The following KLF13 variants were observed in gnomAD, a reference collection of about 807,000 sequenced individuals.
KLF13 encodes the protein KLF transcription factor 13, also known as Krueppel-like factor 13.
In KLF13, 8 loss-of-function variants were observed where a neutral mutation model predicts 16.7. That is an observed-to-expected ratio of 0.48 (90% CI 0.28 to 0.87). The LOEUF (loss-of-function observed/expected upper bound fraction) is 0.87, where lower values mean the gene tolerates loss of function less well. Ranked by LOEUF, KLF13 falls within the 40% of genes least tolerant of loss-of-function variation. The probability of loss-of-function intolerance (pLI) is 0.10; values close to 1 mark genes in which losing one functional copy is unlikely to be tolerated. For synonymous variants in KLF13, 245 were observed against 208.4 expected (o/e 1.18, Z -1.51); for missense variants, 447 against 452.2 (o/e 0.99, Z 0.10).
chr15:31,327,247 C>T lies in KLF13; in HGVS notation c.35C>T (p.Ala12Val). 7.2e-7 allele frequency: 1 copy of T among 1,380,524 alleles called. No individual in the cohort carries two copies. Among genetic ancestry groups the T allele is most frequent in the Non-Finnish European group, 9.4e-7 (1 of 1,065,150 alleles). 85.5% of individuals were successfully genotyped at this position (1,380,524 alleles called of 1,614,324 possible). A position where few individuals can be genotyped will look rare whatever the true frequency, so the allele number is the denominator to read the frequency against. ...AAAAYVDHFAAECLVSMSSRA... is the reference protein window; with the variant it reads ...AAAAYVDHFAVECLVSMSSRA... ...GCCGCCTATGTGGACCACTTCGCCG[C>T]CGAGTGCCTCGTGTCCATGTCGAGC... The change falls in exon 1 of 2, where the codon GCC becomes GTC. Residue 12 changes from alanine (A) to valine (V), a missense_variant. Physicochemically the swap from Ala to Val is moderately conservative, Grantham distance 64. Around this residue, in one of 2 missense-constraint regions of KLF13, gnomAD observed 359 missense variants for 282.8 expected, o/e 1.27. Transcript: ENST00000307145.
chr15:31,336,959 A>T (rs1488156293), intron 1 of KLF13, among the ~76,000 whole-genome samples: 2 of 152,212 alleles, frequency 1.3e-5, no homozygotes, highest in Admixed American at 6.5e-5. Flanking sequence ...TGGTTCCCAC[A>T]CATCCGAATC....
At chr15:31,351,882 G>A (rs558488611) in intron 1 of KLF13, among the ~76,000 whole-genome samples, 16 of 152,172 alleles carry the variant, frequency 1.1e-4, no homozygotes, top group African/African-American at 3.6e-4. Context: ...GTGTGGTGGC[G>A]GACGCCTGTA....
intron 1 of KLF13, among the ~76,000 whole-genome samples, chr15:31,429,857 C>T (rs1370275727): frequency 3.3e-5 from 5 of 151,834 alleles, no homozygotes; most frequent in African/African-American, 4.8e-5. Context: ...CCTCAGCCTC[C>T]CGAGTAGCTG....
intron 1 of KLF13, among the ~76,000 whole-genome samples, chr15:31,429,221 A>G (rs887487424): frequency 2.3e-5 from 3 of 129,826 alleles, no homozygotes; most frequent in Non-Finnish European, 4.5e-5. Context: ...TCAGGTGGAA[A>G]AAAATGATAG....
chr15:31,383,781 A>G (rs996208069), intron 1 of KLF13, among the ~76,000 whole-genome samples: 2 of 152,192 alleles, frequency 1.3e-5, no homozygotes, highest in Non-Finnish European at 2.9e-5. Context: ...GGGCGCCTGT[A>G]GTCCCAGCTA....
upstream of KLF13, among the ~76,000 whole-genome samples, chr15:31,388,625 AAAAG>A (rs1024471479): frequency 1.3e-5 from 2 of 151,576 alleles, no homozygotes; most frequent in African/African-American, 4.8e-5. Flanking sequence ...AAAAAAAAGA[AAAAG>A]AAAACCAGTA....
At chr15:31,365,234 C>G (rs867272835) in intron 1 of KLF13, among the ~76,000 whole-genome samples, 1 of 152,152 alleles carries the variant, frequency 6.6e-6, no homozygotes, top group Non-Finnish European at 1.5e-5. Flanking sequence ...CCCTGTGCCT[C>G]CCTTTGAGTC....
At chr15:31,384,093 A>T (rs879493672) in intron 1 of KLF13, among the ~76,000 whole-genome samples, 1 of 152,206 alleles carries the variant, frequency 6.6e-6, no homozygotes, top group Non-Finnish European at 1.5e-5. Flanking sequence ...ATGATTTATT[A>T]AAACACTTTT....
At chr15:31,330,371 C>T (rs1454687340) in intron 1 of KLF13, among the ~76,000 whole-genome samples, 3 of 152,220 alleles carry the variant, frequency 2.0e-5, no homozygotes, top group Non-Finnish European at 4.4e-5. Flanking sequence ...CCAGGATCCA[C>T]AGTAATTTCA....
chr15:31,327,106 A>C lies in KLF13; in HGVS notation c.-107A>C. On this transcript the variant is annotated 5_prime_UTR_variant, in exon 1 of 2. Transcript: ENST00000307145. ...GCCCAGCCCAGCCCAGCCCGAGGAG[A>C]GGGCGCGCCGCGCCCCCGCCCCCCG... 6 of 717,020 alleles carry C rather than the reference A, an allele frequency of 8.4e-6. No individual in the cohort carries two copies. Among genetic ancestry groups the C allele is most frequent in the Non-Finnish European group, 7.2e-6 (4 of 558,450 alleles). The allele number at this position is 717,020 out of a possible 1,614,324, so 44.4% of individuals were successfully genotyped here. A position where few individuals can be genotyped will look rare whatever the true frequency, so the allele number is the denominator to read the frequency against.
intron 1 of KLF13, among the ~76,000 whole-genome samples, chr15:31,334,099 G>A (rs2038885196): frequency 6.6e-6 from 1 of 152,206 alleles, no homozygotes; most frequent in Admixed American, 6.5e-5. Context: ...TGGGGGTTGG[G>A]TTCAGCTTTG....
intron 1 of KLF13, among the ~76,000 whole-genome samples, chr15:31,368,139 A>G (rs1047907997): frequency 4.0e-5 from 6 of 151,726 alleles, no homozygotes; most frequent in East Asian, 1.9e-4. Flanking sequence ...CCCTTTTTCC[A>G]GATAAGATCA....
intron 1 of KLF13, among the ~76,000 whole-genome samples, chr15:31,410,136 G>A (rs930542789): frequency 6.6e-6 from 1 of 152,064 alleles, no homozygotes; most frequent in Admixed American, 6.6e-5. Flanking sequence ...ATAACAATAA[G>A]CTCCTTATAC....
intron 1 of KLF13, among the ~76,000 whole-genome samples, chr15:31,332,994 G>A (rs567299872): frequency 2.0e-5 from 3 of 152,280 alleles, no homozygotes; most frequent in African/African-American, 7.2e-5. Context: ...AGATACCATG[G>A]CACTGTGAAG....
chr15:31,429,795 G>T (rs544137779), intron 1 of KLF13, among the ~76,000 whole-genome samples: 112 of 151,470 alleles, frequency 7.4e-4, no homozygotes, highest in African/African-American at 2.1e-3. Context: ...GTGCAGTGGC[G>T]CAATCTCGGC....
intron 1 of KLF13, among the ~76,000 whole-genome samples, chr15:31,362,955 A>G (rs1194308657): frequency 1.3e-5 from 2 of 152,236 alleles, no homozygotes; most frequent in African/African-American, 2.4e-5. Context: ...GTGGAAGGAC[A>G]TGAGTTGTTT....
At chr15:31,383,608 A>G (rs565595725) in intron 1 of KLF13, among the ~76,000 whole-genome samples, 19 of 152,380 alleles carry the variant, frequency 1.2e-4, no homozygotes, top group African/African-American at 4.6e-4. Flanking sequence ...TCTGTTAAAA[A>G]TATCAAGATG....
intron 1 of KLF13, among the ~76,000 whole-genome samples, chr15:31,383,769 G>T (rs1417257275): frequency 1.3e-5 from 2 of 152,320 alleles, no homozygotes; most frequent in South Asian, 2.1e-4. Context: ...GGGCGTGGTG[G>T]TGGGCGCCTG....
intron 1 of KLF13, among the ~76,000 whole-genome samples, chr15:31,336,602 G>T (rs182839567): frequency 1.3e-5 from 2 of 152,276 alleles, no homozygotes; most frequent in East Asian, 3.9e-4. Context: ...CAGGGAACTT[G>T]GTTTAGGGGT....
Sources: allele counts gnomAD v4.1 joint callset (sites outside exome capture counted in the v4.1 genomes callset), GRCh38; gene constraint gnomAD v4.1.1; regional missense constraint gnomAD v4.1.1; transcripts MANE v1.5; gene names NCBI Gene and HGNC (gene_info 2026-07-23, HGNC 2026-07-21).